The following IQSEC1 variants were observed in gnomAD, a reference collection of about 807,000 sequenced individuals.
IQSEC1 encodes the protein IQ motif and SEC7 domain-containing protein 1.
IQSEC1 carries 31 observed loss-of-function variants against 91.0 expected under a neutral mutation model. The observed-to-expected ratio is 0.34, with a 90% CI of 0.26 to 0.46. The LOEUF is 0.46. IQSEC1 is among the 20% of genes least tolerant of loss of function. The probability of loss-of-function intolerance (pLI) is 1.00; values close to 1 mark genes in which losing one functional copy is unlikely to be tolerated. For missense variants in IQSEC1, 1,388 were observed against 1,575.6 expected, an observed-to-expected ratio of 0.88 and a Z score of 2.02; for synonymous variants, 699 against 662.6, an observed-to-expected ratio of 1.05 and a Z score of -0.84.
At position 13,034,641 on chromosome 3, in the gene IQSEC1, A is replaced by G. The variant is rs371397232; in HGVS notation, c.23+38351T>C. 9.2e-5 allele frequency among the ~76,000 whole-genome samples: 14 copies of G among 152,302 alleles called. No homozygotes were observed. In the East Asian group the frequency reaches 2.3e-3, roughly 25 times the overall value. On this transcript the variant is annotated intron_variant, in intron 1 of 13. Transcript: ENST00000613206. ...GGCCAGGCAGCCCGTGACTCGCACT[A>G]GGAGATCAGCTGCTCTCTCTAAACC...
rs1325919955 is a variant in IQSEC1 at position 13,255,422 on chromosome 3, T to A, written c.272+27289A>T. Reference sequence around the variant, plus strand: ...CCCACACGCAGGGCCTATGCTTGTATTGGAAGAGTAGAATATGTGCCCAGA... The same window carrying A: ...CCCACACGCAGGGCCTATGCTTGTAATGGAAGAGTAGAATATGTGCCCAGA... On this transcript the variant is annotated intron_variant, in intron 1 of 15. Coordinates refer to the IQSEC1 transcript ENST00000648114. Among the ~76,000 whole-genome samples the A allele has an allele frequency of 4.6e-5, 7 of 152,310 alleles. No individual in the cohort carries two copies. The South Asian group carries it at 1.5e-3, about 32-fold the overall frequency.
At chr3:13,029,447 C>T (rs534788732) in intron 1 of IQSEC1, among the ~76,000 whole-genome samples, 35 of 152,364 alleles carry the variant, frequency 2.3e-4, no homozygotes, top group African/African-American at 7.5e-4. Flanking sequence ...CTACATAACA[C>T]GGCTCTCCTC....
intron 1 of IQSEC1, chr3:13,022,308 C>T: frequency 2.5e-6 from 3 of 1,210,556 alleles, no homozygotes; most frequent in Non-Finnish European, 3.1e-6. Context: ...GAGCCACAGG[C>T]CCCACTATCC....
rs143869924 is a variant in IQSEC1 at position 12,935,657 on chromosome 3, G to A, written c.1359C>T (p.Asp453=). 1.9e-5 allele frequency: 30 copies of A among 1,613,932 alleles called. 1 individual carries two copies. Among genetic ancestry groups the A allele is most frequent in the African/African-American group, 2.7e-5 (2 of 74,940 alleles). The change falls in exon 3 of 14, where the codon GAC becomes GAT. Residue 453 remains aspartate (D), a synonymous_variant. Coordinates refer to ENST00000613206, the MANE Select transcript of IQSEC1 (RefSeq NM_001134382.3). This position sits in a 1 kb window ranked among gnomAD's most constrained non-coding sequence, Gnocchi z 8.0. ...RQSKSESDYS[D]GDNDSINSTS... The stretch of plus-strand genomic sequence containing the variant: ...TGCTGTTGATGCTGTCATTGTCACC[G>A]TCTGAGTAGTCCGACTCAGACTTGC...
intron 1 of IQSEC1, among the ~76,000 whole-genome samples, chr3:13,281,534 C>T (rs1435258324): frequency 1.3e-5 from 2 of 152,150 alleles, no homozygotes; most frequent in African/African-American, 4.8e-5. Flanking sequence ...CCCAGCCCCA[C>T]CCGCACCGCC....
At chr3:13,131,151 T>G (rs938129722) in intron 2 of IQSEC1, among the ~76,000 whole-genome samples, 1 of 152,196 alleles carries the variant, frequency 6.6e-6, no homozygotes, top group African/African-American at 2.4e-5. Context: ...TCATGTATTT[T>G]GAGTGTGTTC....
At chr3:12,950,665 C>T (rs892424770) in intron 1 of IQSEC1, among the ~76,000 whole-genome samples, 2 of 147,828 alleles carry the variant, frequency 1.4e-5, no homozygotes, top group African/African-American at 5.0e-5. Flanking sequence ...TTTTTTGATA[C>T]GGAGTCTCAC....
chr3:13,178,258 T>G (rs539195801), intron 1 of IQSEC1, among the ~76,000 whole-genome samples: 4 of 152,254 alleles, frequency 2.6e-5, no homozygotes, highest in Non-Finnish European at 5.9e-5. Context: ...GGTGGCCAGA[T>G]AGACACAAGA....
At chr3:13,198,583 C>T (rs1221711084) in intron 1 of IQSEC1, among the ~76,000 whole-genome samples, 3 of 152,154 alleles carry the variant, frequency 2.0e-5, no homozygotes, top group African/African-American at 7.2e-5. Context: ...GGGAAATGCA[C>T]ATGTTCTGAG....
intron 1 of IQSEC1, chr3:13,015,510 C>T (rs1011510864): frequency 7.7e-5 from 74 of 962,154 alleles, no homozygotes; most frequent in Non-Finnish European, 8.8e-5. Flanking sequence ...CCCTGACAGT[C>T]GCCAGCCCCT....
chr3:12,926,697 TG>T (rs1011267449), intron 3 of IQSEC1, among the ~76,000 whole-genome samples: 1 of 151,424 alleles, frequency 6.6e-6, no homozygotes, highest in African/African-American at 2.4e-5. Flanking sequence ...GTCCCCGGGG[TG>T]GGGGGGATGG....
rs73016820 is a variant in IQSEC1 at position 13,260,004 on chromosome 3, C to T, written c.272+22707G>A. Among the ~76,000 whole-genome samples, 1,131 of 152,366 alleles carry T rather than the reference C, an allele frequency of 7.4e-3. 6 individuals carry two copies. The highest frequency in any genetic ancestry group is 0.02 in the Middle Eastern group (6 of 294). On this transcript the variant is annotated intron_variant, in intron 1 of 15. Transcript: ENST00000648114. The stretch of plus-strand genomic sequence containing the variant: ...GACTTCTGCAAGGAATCACATTGTT[C>T]TAGCAAAAGTTGTGCCTGCCAGAGG...
intron 2 of IQSEC1, among the ~76,000 whole-genome samples, chr3:13,126,686 T>C (rs184546297): frequency 2.6e-5 from 4 of 152,380 alleles, no homozygotes; most frequent in Non-Finnish European, 4.4e-5. Context: ...ACAAGAACTT[T>C]ATGGTCAGCC....
intron 1 of IQSEC1, among the ~76,000 whole-genome samples, chr3:13,223,754 AT>A (rs1170085952): frequency 6.6e-6 from 1 of 152,160 alleles, no homozygotes; most frequent in Admixed American, 6.5e-5. Context: ...AAGCTGATTC[AT>A]TTTTGAGCTG....
rs148156023 is a variant in IQSEC1, at chr3:13,271,629, C to G, written c.272+11082G>C. Among the ~76,000 whole-genome samples the G allele has an allele frequency of 4.7e-4, 72 of 151,810 alleles. 1 individual carries two copies. Among genetic ancestry groups the G allele is most frequent in the African/African-American group, 1.6e-3 (68 of 41,366 alleles). On this transcript the variant is annotated intron_variant, in intron 1 of 15. Transcript: ENST00000648114. The stretch of plus-strand genomic sequence containing the variant: ...TGGGCAACAAAGCAAGACACCATCT[C>G]TACAAAAATTTTAAAAATCAGCTGG...
chr3:12,941,681 G>A lies in IQSEC1; in HGVS notation c.208C>T (p.Leu70=). 6.2e-7 allele frequency: 1 copy of A among 1,612,988 alleles called. No individual in the cohort carries two copies. Among genetic ancestry groups the A allele is most frequent in the Non-Finnish European group, 8.5e-7 (1 of 1,179,968 alleles). ...CGCAGGATGGAGGTCGAGTGCTGCA[G>A]CTTGGGCCTCCGCGTGCGCTGCTGT... ...GQQQRTRRPK[L]QHSTSILRKQ... The change falls in exon 2 of 14, where the codon CTG becomes TTG. Residue 70 remains leucine (L), a synonymous_variant. Coordinates refer to ENST00000613206, the MANE Select transcript of IQSEC1 (RefSeq NM_001134382.3).
At chr3:13,088,217 G>A (rs1008265421) in intron 2 of IQSEC1, among the ~76,000 whole-genome samples, 68 of 152,230 alleles carry the variant, frequency 4.5e-4, no homozygotes, top group African/African-American at 1.6e-3. Context: ...GCAGGGCAGC[G>A]TGCTAACGCA....
rs1704894876 is a variant in IQSEC1 at position 13,056,711 on chromosome 3, C to A, written c.23+16281G>T. Among the ~76,000 whole-genome samples the A allele has an allele frequency of 3.3e-5, 5 of 152,158 alleles. No homozygotes were observed. In the South Asian group the frequency reaches 1.0e-3, roughly 31 times the overall value. ...GGAAGAACATTCTGAGCCCTCCCAA[C>A]CTCAGGATGGAGGATTTGCTGAGGC... On this transcript the variant is annotated intron_variant, in intron 1 of 13. Coordinates refer to ENST00000613206, the MANE Select transcript of IQSEC1 (RefSeq NM_001134382.3).
rs764029402 is a variant in IQSEC1 at position 12,992,403 on chromosome 3, G to C, written c.24-50538C>G. Among the ~76,000 whole-genome samples the C allele has an allele frequency of 2.2e-4, 33 of 152,160 alleles. No homozygotes were observed. Among genetic ancestry groups the C allele is most frequent in the Non-Finnish European group, 4.3e-4 (29 of 68,014 alleles). On this transcript the variant is annotated intron_variant, in intron 1 of 13. Coordinates refer to ENST00000613206, the MANE Select transcript of IQSEC1 (RefSeq NM_001134382.3). This position sits in a 1 kb window ranked among gnomAD's most constrained non-coding sequence, Gnocchi z 4.1. The stretch of plus-strand genomic sequence containing the variant: ...ATTTCTCTTCTTTCCCCTTAAATCT[G>C]GTTTCTGGGCTCTAATTGCACATGG...
Sources: gnomAD v4.1 joint callset for allele counts (sites outside exome capture counted in the v4.1 genomes callset) on GRCh38, gnomAD v4.1.1 for gene constraint, Gnocchi (gnomAD v3.1) non-coding constraint, MANE v1.5 for transcripts, NCBI Gene and HGNC (gene_info 2026-07-23, HGNC 2026-07-21) for gene names.